BDH1: variants seen among roughly 807,000 people sequenced by gnomAD.
BDH1 encodes the protein D-beta-hydroxybutyrate dehydrogenase, mitochondrial.
In BDH1, 30 loss-of-function variants were observed where a neutral mutation model predicts 33.1. That is an observed-to-expected ratio of 0.91 (90% CI 0.68 to 1.23). BDH1 has a LOEUF of 1.23. BDH1 is among the 50% of genes most tolerant of loss of function. The pLI is 0.00. For synonymous variants in BDH1, 190 were observed against 183.6 expected, an observed-to-expected ratio of 1.03 and a Z score of -0.28; for missense variants, 443 against 464.4, an observed-to-expected ratio of 0.95 and a Z score of 0.42.
chr3:197,539,818 C>T (rs1310564417), intron 3 of BDH1, among the ~76,000 whole-genome samples: 1 of 152,212 alleles, frequency 6.6e-6, no homozygotes, highest in East Asian at 1.9e-4. Context: ...CCCCCACCCA[C>T]CAAATTATCC....
At chr3:197,532,601 A>C in intron 4 of BDH1, 79 bp from the exon 5 acceptor site, 1 of 978,170 alleles carries the variant, frequency 1.0e-6, no homozygotes, top group South Asian at 1.3e-5. Flanking sequence ...CCCTCTGTGC[A>C]GTGAGAGTTA....
upstream of BDH1, among the ~76,000 whole-genome samples, chr3:197,558,814 T>C (rs898682667): frequency 3.9e-5 from 6 of 152,150 alleles, no homozygotes; most frequent in African/African-American, 1.4e-4. Flanking sequence ...GAAGCTGTTT[T>C]TGAAGCCTTG....
intron 5 of BDH1, among the ~76,000 whole-genome samples, chr3:197,527,352 C>G (rs1714198268): frequency 6.6e-6 from 1 of 152,084 alleles, no homozygotes; most frequent in Admixed American, 6.5e-5. Context: ...GAGAAGTGGC[C>G]AATGGATTTG....
intron 1 of BDH1, among the ~76,000 whole-genome samples, chr3:197,561,149 C>T (rs1717246017): frequency 6.6e-6 from 1 of 152,074 alleles, no homozygotes; most frequent in Non-Finnish European, 1.5e-5. Context: ...ATTTTGGTAA[C>T]CATGGAGGGA....
At chr3:197,561,132 G>T (rs964721265) in intron 1 of BDH1, among the ~76,000 whole-genome samples, 2 of 152,140 alleles carry the variant, frequency 1.3e-5, no homozygotes, top group Admixed American at 6.5e-5. Flanking sequence ...GATTTGGGGG[G>T]GTTCACATTT....
chr3:197,565,709 C>T (rs1007451090), intron 1 of BDH1, among the ~76,000 whole-genome samples: 1 of 152,248 alleles, frequency 6.6e-6, no homozygotes, highest in South Asian at 2.1e-4. Context: ...TCAGTTGTGT[C>T]TTTGACTGTG....
chr3:197,533,452 A>G (rs1714876379), intron 4 of BDH1, 37 bp downstream of exon 4: 1 of 1,605,200 alleles, frequency 6.2e-7, no homozygotes, highest in Non-Finnish European at 8.5e-7. Flanking sequence ...GGTTCTGACC[A>G]TCCAACTGGC....
intron 3 of BDH1, among the ~76,000 whole-genome samples, chr3:197,544,857 G>GCCAA (rs1248296095): frequency 6.6e-6 from 1 of 152,204 alleles, no homozygotes; most frequent in Non-Finnish European, 1.5e-5. Context: ...GACCAGCCTG[G>GCCAA]CCAACATGGC....
At chr3:197,549,285 T>C (rs907975798) in intron 2 of BDH1, among the ~76,000 whole-genome samples, 1 of 152,172 alleles carries the variant, frequency 6.6e-6, no homozygotes, top group Non-Finnish European at 1.5e-5. Flanking sequence ...CTAGAAACAC[T>C]TGGGGCTTCT....
chr3:197,520,288 CA>C lies in BDH1; in HGVS notation c.409+2351del, dbSNP rs893756970. On this transcript the variant is annotated intron_variant, in intron 6 of 7. Transcript: ENST00000392379. The surrounding 1 kb of genome is among the most constrained non-coding windows in gnomAD (Gnocchi z 6.0). ...ACCTAAAAGTCTTCAAATCCTTTTCCAAAAAAAAAAAATGCAGTATCGGTTA... is the reference window on the plus strand; with the variant it reads ...ACCTAAAAGTCTTCAAATCCTTTTCCAAAAAAAAAAATGCAGTATCGGTTA... Among the ~76,000 whole-genome samples the C allele has an allele frequency of 8.5e-4, 121 of 142,336 alleles. No individual in the cohort carries two copies. Among genetic ancestry groups the C allele is most frequent in the Non-Finnish European group, 6.2e-4 (40 of 64,558 alleles). 93.4% of individuals were successfully genotyped at this position (142,336 alleles called of 152,430 possible).
At chr3:197,512,700 C>T (rs1385408151) in intron 7 of BDH1, among the ~76,000 whole-genome samples, 1 of 152,174 alleles carries the variant, frequency 6.6e-6, no homozygotes, top group African/African-American at 2.4e-5. Context: ...AAGTGGGAGG[C>T]GAGACAGCTG....
At position 197,522,825 on chromosome 3, in the gene BDH1, C is replaced by T. The variant is rs1713704770; in HGVS notation, c.268-44G>A. 2 of 1,602,516 alleles carry T rather than the reference C, an allele frequency of 1.2e-6. No individual in the cohort carries two copies. Among genetic ancestry groups the T allele is most frequent in the Non-Finnish European group, 1.7e-6 (2 of 1,172,708 alleles). On this transcript the variant is annotated intron_variant, in intron 5 of 7. Coordinates refer to ENST00000392379, the MANE Select transcript of BDH1 (RefSeq NM_203314.3). This position sits in a 1 kb window ranked among gnomAD's most constrained non-coding sequence, Gnocchi z 4.8. Reference sequence around the variant, plus strand: ...CTGCTTCTACCTCCTTCCTTCCCACCCTGAGGCAGACCCTGAGGACTCCTG... The same window carrying T: ...CTGCTTCTACCTCCTTCCTTCCCACTCTGAGGCAGACCCTGAGGACTCCTG...
At chr3:197,544,244 T>A (rs562723754) in intron 3 of BDH1, among the ~76,000 whole-genome samples, 31 of 152,264 alleles carry the variant, frequency 2.0e-4, no homozygotes, top group Non-Finnish European at 4.3e-4. Context: ...CGACATTGAC[T>A]CTACTCTGAC....
Position 197,532,501 on chromosome 3 carries a change from C to T in BDH1, c.178G>A (p.Val60Ile). ...CCAAATCCAGAGTCACAGCCTGTGA[C>T]CAGGACAGCTTTGCTGCCAACCTGT... Reference protein sequence around the residue: ...AEPVGSKAVLVTGCDSGFGFS... With the variant: ...AEPVGSKAVLITGCDSGFGFS... Residue 60 changes from valine (V) to isoleucine (I), a missense_variant, in exon 5 of 8, where the codon GTC (valine) becomes ATC (isoleucine). Val to Ile is a conservative substitution (Grantham distance 29). Coordinates refer to ENST00000392379, the MANE Select transcript of BDH1 (RefSeq NM_203314.3). 2 of 1,614,126 alleles carry T rather than the reference C, an allele frequency of 1.2e-6. No homozygotes were observed. Among genetic ancestry groups the T allele is most frequent in the Non-Finnish European group, 1.7e-6 (2 of 1,179,972 alleles).
At chr3:197,558,868 G>A (rs556075138), upstream of BDH1, among the ~76,000 whole-genome samples, 28 of 152,252 alleles carry the variant, frequency 1.8e-4, no homozygotes, top group African/African-American at 5.3e-4. Context: ...GAGACCTCAC[G>A]TATCTTCATG....
Position 197,525,656 on chromosome 3 carries a change from C to A in BDH1, c.268-2875G>T, listed in dbSNP as rs1285813549. 1.3e-5 allele frequency among the ~76,000 whole-genome samples: 2 copies of A among 152,228 alleles called. No homozygotes were observed. The highest frequency in any genetic ancestry group is 2.9e-5 in the Non-Finnish European group (2 of 68,044). On this transcript the variant is annotated intron_variant, in intron 5 of 7. Transcript: ENST00000392379. The surrounding 1 kb of genome is among the most constrained non-coding windows in gnomAD (Gnocchi z 4.9). ...ACCTGCCTTTGGGCAGCCTCCACAC[C>A]CTGCTCCTGACAACCACGCCAATAG...
chr3:197,555,455 C>A (rs1358543751), intron 1 of BDH1: 1 of 152,312 alleles, frequency 6.6e-6, no homozygotes, highest in Non-Finnish European at 1.5e-5. Flanking sequence ...AACGATGAGT[C>A]GTTTCACCTG....
rs537887431 is a variant in BDH1 at position 197,550,643 on chromosome 3, G to A, written c.-44+3919C>T. 1.2e-4 allele frequency among the ~76,000 whole-genome samples: 19 copies of A among 152,294 alleles called. No individual in the cohort carries two copies. The South Asian group carries it at 3.5e-3, about 28-fold the overall frequency. On this transcript the variant is annotated intron_variant, in intron 2 of 7. Transcript: ENST00000392379. ...CCATGCAATGGCGCTGCTGGAGGAC[G>A]GCAGCTACACTCCACTGGGCCCTGA...
chr3:197,541,576 G>A (rs1413857445), intron 3 of BDH1, among the ~76,000 whole-genome samples: 2 of 152,168 alleles, frequency 1.3e-5, no homozygotes, highest in East Asian at 1.9e-4. Flanking sequence ...GGAAACCCAG[G>A]TGACAGGTAC....
Sources: gnomAD v4.1 joint callset for allele counts (sites outside exome capture counted in the v4.1 genomes callset) on GRCh38, gnomAD v4.1.1 for gene constraint, Gnocchi (gnomAD v3.1) non-coding constraint, MANE v1.5 for transcripts, NCBI Gene and HGNC (gene_info 2026-07-23, HGNC 2026-07-21) for gene names.